SPECC1L: variants seen among roughly 807,000 people sequenced by gnomAD.
SPECC1L encodes the protein sperm antigen with calponin homology and coiled-coil domains 1 like.
SPECC1L carries 40 observed loss-of-function variants against 116.8 expected under a neutral mutation model. The observed-to-expected ratio is 0.34, with a 90% confidence interval of 0.27 to 0.45. SPECC1L has a LOEUF of 0.45. Ranked by LOEUF, SPECC1L falls within the 20% of genes least tolerant of loss-of-function variation. The pLI, the probability that SPECC1L is intolerant of heterozygous loss-of-function variation, is 1.00. For missense variants in SPECC1L, 1,110 were observed against 1,373.6 expected, an observed-to-expected ratio of 0.81 and a Z score of 3.03; for synonymous variants, 504 against 500.6, an observed-to-expected ratio of 1.01 and a Z score of -0.09.
chr22:24,356,477 T>C (rs886732412), intron 11 of SPECC1L, among the ~76,000 whole-genome samples: 20 of 152,166 alleles, frequency 1.3e-4, no homozygotes, highest in African/African-American at 4.6e-4. Context: ...TTTTCTGATA[T>C]TGATGTACCT....
chr22:24,363,244 CT>C lies in SPECC1L; in HGVS notation c.2744-14del. ...AGCATCAGATTTCTTTATTGGGATT[CT>C]TTCTACTTTGTACAGAGCATCTGTT... On this transcript the variant is annotated splice_polypyrimidine_tract_variant and intron_variant, in intron 11 of 16. Coordinates refer to ENST00000314328, the MANE Select transcript of SPECC1L (RefSeq NM_015330.6). The C allele has an allele frequency of 6.2e-7, 1 of 1,609,604 alleles. No individual in the cohort carries two copies. The highest frequency in any genetic ancestry group is 1.1e-5 in the South Asian group (1 of 90,986).
intron 14 of SPECC1L, among the ~76,000 whole-genome samples, chr22:24,378,439 CT>C (rs2042007820): frequency 1.3e-5 from 2 of 152,256 alleles, no homozygotes; most frequent in Non-Finnish European, 2.9e-5. Context: ...TGGTATAGCA[CT>C]TTTAATTTCC....
rs201618130 is a variant in SPECC1L at position 24,330,361 on chromosome 22, C to T, written c.2326C>T (p.Arg776Cys). 181 of 1,613,952 alleles carry T rather than the reference C, an allele frequency of 1.1e-4. No homozygotes were observed. In the East Asian group the frequency reaches 3.7e-3, roughly 33 times the overall value. ...CCAAGAGGAGATTGGTGATCTAAAG[C>T]GCCGGTTACATGAGGCTCAAGAAAA... is the stretch of plus-strand genomic sequence containing the variant. ...EAQEEIGDLK[R>C]RLHEAQEKNE... Residue 776 changes from arginine (R) to cysteine (C), a missense_variant, in exon 8 of 17, where the codon CGC (arginine) becomes TGC (cysteine). Transcript: ENST00000314328.
Position 24,328,893 on chromosome 22 carries a change from A to G in SPECC1L, c.2194A>G (p.Ile732Val), listed in dbSNP as rs1244136407. 1.2e-6 allele frequency: 2 copies of G among 1,613,834 alleles called. No homozygotes were observed. The highest frequency in any genetic ancestry group is 1.3e-5 in the African/African-American group (1 of 75,062). Reference sequence around the variant, plus strand: ...CCAAAAGCACGACATGGAAAGAGAAATAAAGACACTCCACAGAAGACTTCG... The same window carrying G: ...CCAAAAGCACGACATGGAAAGAGAAGTAAAGACACTCCACAGAAGACTTCG... ...QDQKHDMEREIKTLHRRLREE... is the reference protein window; with the variant it reads ...QDQKHDMEREVKTLHRRLREE... Residue 732 changes from isoleucine to valine, a missense_variant, in exon 7 of 17, where the codon ATA becomes GTA. By Grantham distance (29) the Ile-to-Val change is conservative. This residue lies in a region of SPECC1L where 575 missense variants were observed against 682.4 expected (regional missense o/e 0.84). Coordinates refer to ENST00000314328, the MANE Select transcript of SPECC1L (RefSeq NM_015330.6).
chr22:24,322,814 G>C lies in SPECC1L; in HGVS notation c.1834G>C (p.Val612Leu). 1 of 1,607,100 alleles carries C rather than the reference G, an allele frequency of 6.2e-7. No individual in the cohort carries two copies. Among genetic ancestry groups the C allele is most frequent in the South Asian group, 1.1e-5 (1 of 89,666 alleles). The change falls in exon 5 of 17, where the codon GTC becomes CTC. Residue 612 changes from valine to leucine, a missense_variant. Around this residue, in one of 4 missense-constraint regions of SPECC1L, gnomAD observed 575 missense variants for 682.4 expected, o/e 0.84. Coordinates refer to ENST00000314328, the MANE Select transcript of SPECC1L (RefSeq NM_015330.6). ...TGATATTCAGGACCTCCTGGAGAGT[G>C]TCAGGCTGGACAAAGAAAAAGCAGA... ...KSDIQDLLES[V>L]RLDKEKAETL...
chr22:24,282,756 G>T (rs1166137886), intron 2 of SPECC1L, among the ~76,000 whole-genome samples: 2 of 151,364 alleles, frequency 1.3e-5, no homozygotes, highest in East Asian at 3.9e-4. Context: ...TTTACAATGT[G>T]GTGAGTTACA....
chr22:24,335,477 C>A (rs1238399242), intron 9 of SPECC1L, among the ~76,000 whole-genome samples: 1 of 152,192 alleles, frequency 6.6e-6, no homozygotes, highest in Non-Finnish European at 1.5e-5. Context: ...GCTTACTCTT[C>A]CCACTTTCAA....
At chr22:24,334,273 A>G in intron 8 of SPECC1L, 137 bp from the exon 9 acceptor site, 2 of 820,230 alleles carry the variant, frequency 2.4e-6, no homozygotes, top group Non-Finnish European at 4.0e-6. Context: ...CGGCCTCCCA[A>G]AGTGCTGGGA....
intron 4 of SPECC1L, among the ~76,000 whole-genome samples, chr22:24,316,300 T>C (rs2146452076): frequency 6.6e-6 from 1 of 150,890 alleles, no homozygotes; most frequent in East Asian, 1.9e-4. Flanking sequence ...ATTTATTTAT[T>C]GATCATTCTT....
chr22:24,346,502 A>G (rs1380812632), intron 10 of SPECC1L, among the ~76,000 whole-genome samples: 1 of 152,210 alleles, frequency 6.6e-6, no homozygotes, highest in Non-Finnish European at 1.5e-5. Context: ...GCACATCTGC[A>G]TTTTATTTTG....
intron 4 of SPECC1L, among the ~76,000 whole-genome samples, chr22:24,320,044 C>T (rs1379229441): frequency 6.6e-6 from 1 of 152,152 alleles, no homozygotes; most frequent in East Asian, 1.9e-4. Context: ...GAGACCGACG[C>T]GGGCAGATCA....
At chr22:24,277,510 CTG>C (rs2048860074) in intron 2 of SPECC1L, among the ~76,000 whole-genome samples, 1 of 152,196 alleles carries the variant, frequency 6.6e-6, no homozygotes, top group Non-Finnish European at 1.5e-5. Context: ...AAAAAGAAGT[CTG>C]TACTCATTAG....
intron 14 of SPECC1L, among the ~76,000 whole-genome samples, chr22:24,379,669 A>C (rs1291256851): frequency 6.6e-6 from 1 of 152,192 alleles, no homozygotes; most frequent in Non-Finnish European, 1.5e-5. Flanking sequence ...TCTTGGCTAC[A>C]AACCCAATTC....
chr22:24,377,904 G>A (rs1201833111), intron 14 of SPECC1L, among the ~76,000 whole-genome samples: 1 of 152,200 alleles, frequency 6.6e-6, no homozygotes, highest in Admixed American at 6.5e-5. Flanking sequence ...CTAGGATTGT[G>A]GGACTGGTAA....
chr22:24,412,350 T>C (rs2042715220), intron 15 of SPECC1L: 8 of 484,740 alleles, frequency 1.7e-5, no homozygotes, highest in Non-Finnish European at 2.7e-5. Flanking sequence ...TAACTAGCTT[T>C]TGGGGGTGCG....
intron 1 of SPECC1L, among the ~76,000 whole-genome samples, chr22:24,271,376 C>G (rs111561091): frequency 2.6e-5 from 4 of 152,220 alleles, no homozygotes; most frequent in Admixed American, 6.5e-5. Flanking sequence ...GGGTCCCTTG[C>G]CTGGGGCGGG....
chr22:24,341,397 T>G (rs931192496), intron 10 of SPECC1L, among the ~76,000 whole-genome samples: 2 of 152,152 alleles, frequency 1.3e-5, no homozygotes, highest in African/African-American at 2.4e-5. Flanking sequence ...CAGGAAATCA[T>G]TTGAGTTCCC....
chr22:24,311,858 G>A (rs1326554590), intron 3 of SPECC1L, among the ~76,000 whole-genome samples: 1 of 147,700 alleles, frequency 6.8e-6, no homozygotes, highest in Non-Finnish European at 1.5e-5. Context: ...AATTAATGCA[G>A]TGTTTCCCTC....
At chr22:24,407,913 C>T (rs1601365118) in intron 14 of SPECC1L, among the ~76,000 whole-genome samples, 2 of 152,186 alleles carry the variant, frequency 1.3e-5, no homozygotes, top group African/African-American at 2.4e-5. Context: ...GTGCACAGGG[C>T]ATTAGGAAAT....
Sources: allele counts gnomAD v4.1 joint callset (sites outside exome capture counted in the v4.1 genomes callset), GRCh38; gene constraint gnomAD v4.1.1; regional missense constraint gnomAD v4.1.1; transcripts MANE v1.5; gene names NCBI Gene and HGNC (gene_info 2026-07-23, HGNC 2026-07-21).